TXK: variants seen among roughly 807,000 people sequenced by gnomAD.
TXK encodes tyrosine-protein kinase TXK.
In TXK, 60 loss-of-function variants were observed where a neutral mutation model predicts 81.0. That is an observed-to-expected ratio of 0.74 (90% confidence interval 0.60 to 0.92). The LOEUF (loss-of-function observed/expected upper bound fraction) is 0.92. TXK is among the 40% of genes least tolerant of loss of function. The pLI is 0.00. For missense variants in TXK, 581 were observed against 638.3 expected, an observed-to-expected ratio of 0.91 and a Z score of 0.97; for synonymous variants, 203 against 210.7, an observed-to-expected ratio of 0.96 and a Z score of 0.32.
At chr4:48,119,223 T>C (rs1024982329) in intron 1 of TXK, among the ~76,000 whole-genome samples, 1 of 152,194 alleles carries the variant, frequency 6.6e-6, no homozygotes, top group African/African-American at 2.4e-5. Context: ...GAGGAATGAA[T>C]ACTAAAAGGT....
At chr4:48,115,410 A>G (rs906096430) in intron 1 of TXK, among the ~76,000 whole-genome samples, 2 of 152,128 alleles carry the variant, frequency 1.3e-5, no homozygotes, top group African/African-American at 4.8e-5. Flanking sequence ...ATAGTATTCC[A>G]TAAAACATAG....
Position 48,112,320 on chromosome 4 carries a change from T to C in TXK, c.367A>G (p.Arg123Gly). 2 of 1,614,218 alleles carry C rather than the reference T, an allele frequency of 1.2e-6. No homozygotes were observed. Among genetic ancestry groups the C allele is most frequent in the Middle Eastern group, 1.6e-4 (1 of 6,062 alleles). The change falls in exon 4 of 15, where the codon AGA becomes GGA. Residue 123 changes from arginine (R) to glycine (G), a missense_variant. By Grantham distance (125) the Arg-to-Gly change is moderately radical. Coordinates refer to ENST00000264316, the MANE Select transcript of TXK (RefSeq NM_003328.3). ...EKYNPHWWKA[R>G]DRLGNEGLIP... Reference sequence around the variant, plus strand: ...TAAGTGTCTTACCCCAAACGGTCTCTTGCCTTCCACCAGTGAGGATTGTAT... The same window carrying C: ...TAAGTGTCTTACCCCAAACGGTCTCCTGCCTTCCACCAGTGAGGATTGTAT...
chr4:48,069,159 G>C (rs964279372), intron 14 of TXK, among the ~76,000 whole-genome samples: 1 of 147,580 alleles, frequency 6.8e-6, no homozygotes, highest in East Asian at 2.2e-4. Context: ...AAAATTAGCT[G>C]GTCATGGTGG....
In TXK at chr4:48,112,505, G is replaced by T. The variant is rs190691703; in HGVS notation, c.182C>A (p.Thr61Lys). 1.9e-6 allele frequency: 3 copies of T among 1,609,204 alleles called. No homozygotes were observed. Among genetic ancestry groups the T allele is most frequent in the Non-Finnish European group, 2.5e-6 (3 of 1,178,152 alleles). ...SQLSNKKQSN[T>K]GRVQPSKRKP... ...TCGTTTTGACGGCTGCACACGGCCC[G>T]TGTTGGACTGTGAAAACCAATAAGT... Residue 61 changes from threonine to lysine, a missense_variant, in exon 4 of 15, where the codon ACG becomes AAG. Transcript: ENST00000264316.
At chr4:48,092,179 G>A (rs1717803004) in intron 8 of TXK, among the ~76,000 whole-genome samples, 1 of 152,190 alleles carries the variant, frequency 6.6e-6, no homozygotes, top group Non-Finnish European at 1.5e-5. Context: ...GGGCCTGCGG[G>A]ATTGCAAGTG....
At chr4:48,126,818 A>G (rs924857647) in intron 1 of TXK, among the ~76,000 whole-genome samples, 3 of 152,166 alleles carry the variant, frequency 2.0e-5, no homozygotes, top group Non-Finnish European at 4.4e-5. Flanking sequence ...AAGAACTTTG[A>G]AAGAGAAATT....
In TXK at chr4:48,067,306, T is replaced by G; in HGVS notation, c.*331A>C. On this transcript the variant is annotated 3_prime_UTR_variant, in exon 15 of 15. Transcript: ENST00000264316. ...CAAGAAGGAAGCACTCTCAGCCTTGTGAAGAAGAACCTCAAGGGTTCCTGG... is the reference window on the plus strand; with the variant it reads ...CAAGAAGGAAGCACTCTCAGCCTTGGGAAGAAGAACCTCAAGGGTTCCTGG... 1 of 239,164 alleles carries G rather than the reference T, an allele frequency of 4.2e-6. No individual in the cohort carries two copies. 14.8% of individuals were successfully genotyped at this position (239,164 alleles called of 1,614,324 possible). A position where few individuals can be genotyped will look rare whatever the true frequency, so the allele number is the denominator to read the frequency against.
chr4:48,075,372 G>C (rs1324656462), intron 12 of TXK, among the ~76,000 whole-genome samples: 2 of 152,082 alleles, frequency 1.3e-5, no homozygotes, highest in African/African-American at 4.8e-5. Context: ...AAGAACGCCG[G>C]CCAGGTGAGA....
intron 5 of TXK, among the ~76,000 whole-genome samples, chr4:48,109,065 C>T (rs1323021220): frequency 6.6e-6 from 1 of 152,108 alleles, no homozygotes; most frequent in Non-Finnish European, 1.5e-5. Context: ...TCTGTAAATA[C>T]ATACAAAATC....
intron 11 of TXK, among the ~76,000 whole-genome samples, chr4:48,076,808 T>A (rs983838904): frequency 2.6e-5 from 4 of 152,164 alleles, no homozygotes; most frequent in African/African-American, 4.8e-5. Context: ...TTTCTATTTT[T>A]AATAGAGATG....
intron 11 of TXK, among the ~76,000 whole-genome samples, chr4:48,078,351 C>T (rs1382760621): frequency 6.6e-6 from 1 of 152,192 alleles, no homozygotes; most frequent in Non-Finnish European, 1.5e-5. Flanking sequence ...TAATTATGCT[C>T]CCTTTTTCTC....
chr4:48,116,106 A>G (rs1323947003), intron 1 of TXK, among the ~76,000 whole-genome samples: 1 of 152,128 alleles, frequency 6.6e-6, no homozygotes, highest in Non-Finnish European at 1.5e-5. Flanking sequence ...ACTGAGGTAA[A>G]TAGTATGTAC....
chr4:48,117,526 C>G (rs1311653825), intron 1 of TXK, among the ~76,000 whole-genome samples: 5 of 152,140 alleles, frequency 3.3e-5, no homozygotes, highest in African/African-American at 1.2e-4. Context: ...ACAAGGAATC[C>G]CATAGTGGCC....
intron 10 of TXK, among the ~76,000 whole-genome samples, chr4:48,083,205 G>A (rs750187209): frequency 1.3e-5 from 2 of 152,166 alleles, no homozygotes; most frequent in Admixed American, 6.5e-5. Context: ...TTGGGCTAGA[G>A]CCCAAAAGCA....
intron 1 of TXK, among the ~76,000 whole-genome samples, chr4:48,129,141 T>C (rs975778664): frequency 6.6e-6 from 1 of 152,120 alleles, no homozygotes; most frequent in Non-Finnish European, 1.5e-5. Context: ...ATTTAGAAAG[T>C]TATCCTTTAT....
At chr4:48,080,563 T>A (rs1163671293) in intron 10 of TXK, among the ~76,000 whole-genome samples, 3 of 151,616 alleles carry the variant, frequency 2.0e-5, no homozygotes, top group African/African-American at 7.3e-5. Flanking sequence ...AAACAAAAAT[T>A]AAATTCTAAA....
chr4:48,074,781 T>G (rs1289304565), intron 12 of TXK, among the ~76,000 whole-genome samples: 1 of 152,108 alleles, frequency 6.6e-6, no homozygotes, highest in Non-Finnish European at 1.5e-5. Flanking sequence ...GCCCCTATAC[T>G]CTCACTTTTT....
At chr4:48,100,272 A>G (rs1718144318) in intron 6 of TXK, among the ~76,000 whole-genome samples, 1 of 152,146 alleles carries the variant, frequency 6.6e-6, no homozygotes, top group Admixed American at 6.5e-5. Flanking sequence ...GCCATAAGAC[A>G]ATAGAAAAAC....
At chr4:48,102,407 T>C (rs1373727581) in intron 6 of TXK, among the ~76,000 whole-genome samples, 1 of 152,154 alleles carries the variant, frequency 6.6e-6, no homozygotes, top group African/African-American at 2.4e-5. Context: ...AGTAACTCAG[T>C]TGCACTGGTA....
Sources: allele counts gnomAD v4.1 joint callset (sites outside exome capture counted in the v4.1 genomes callset), GRCh38; gene constraint gnomAD v4.1.1; transcripts MANE v1.5; gene names NCBI Gene and HGNC (gene_info 2026-07-23, HGNC 2026-07-21).